The following INVS variants were observed in gnomAD, a reference collection of about 807,000 sequenced individuals.
INVS encodes the protein inversin.
A neutral mutation model predicts 108.8 loss-of-function variants in INVS; 86 were observed. The observed-to-expected ratio is 0.79, with a 90% CI of 0.66 to 0.95. The LOEUF is 0.95. INVS is among the 40% of genes least tolerant of loss of function. INVS has a pLI of 0.00. For synonymous variants in INVS, 455 were observed against 473.5 expected (o/e 0.96, Z 0.51); for missense variants, 1,169 against 1,297.4 (o/e 0.90, Z 1.52).
intron 3 of INVS, among the ~76,000 whole-genome samples, chr9:100,215,662 C>G (rs545821234): frequency 6.6e-6 from 1 of 152,128 alleles, no homozygotes; most frequent in African/African-American, 2.4e-5. Context: ...GTCTAGGAAC[C>G]CCAAAACATG....
At chr9:100,273,545 T>TC (rs1833022782) in intron 12 of INVS, among the ~76,000 whole-genome samples, 1 of 109,432 alleles carries the variant, frequency 9.1e-6, no homozygotes, top group Non-Finnish European at 2.1e-5. Flanking sequence ...TTTTTTTTTT[T>TC]TTTTTTTTTC....
intron 3 of INVS, among the ~76,000 whole-genome samples, chr9:100,153,011 G>GTGTGTA (rs1485374186): frequency 1.3e-5 from 2 of 151,190 alleles, no homozygotes; most frequent in African/African-American, 4.9e-5. Context: ...CTAATTGTGT[G>GTGTGTA]TGTGTGTGTG....
intron 3 of INVS, among the ~76,000 whole-genome samples, chr9:100,156,069 A>G (rs1461078838): frequency 6.6e-6 from 1 of 152,100 alleles, no homozygotes; most frequent in Non-Finnish European, 1.5e-5. Context: ...GGGACAAGTA[A>G]TATATGAAAT....
intron 3 of INVS, among the ~76,000 whole-genome samples, chr9:100,147,210 C>A (rs1023373843): frequency 6.6e-6 from 1 of 152,192 alleles, no homozygotes; most frequent in Non-Finnish European, 1.5e-5. Context: ...CTGTAGACCT[C>A]TATAGGCCCT....
Position 100,229,691 on chromosome 9 carries a change from A to G in INVS, c.479A>G (p.Asn160Ser), listed in dbSNP as rs1162961365. 1.2e-6 allele frequency: 2 copies of G among 1,614,140 alleles called. No individual in the cohort carries two copies. The highest frequency in any genetic ancestry group is 1.3e-5 in the African/African-American group (1 of 75,050). ...GCTCTGCATTGGAGTGCCTACTACA[A>G]TAACCCTGAGCATGTGAAGCTGCTC... ...QTALHWSAYY[N>S]NPEHVKLLIK... The change falls in exon 5 of 17, where the codon AAT (asparagine) becomes AGT (serine). Residue 160 changes from asparagine (N) to serine (S), a missense_variant. Transcript: ENST00000262457.
chr9:100,253,260 A>T (rs1832299597), intron 10 of INVS, 124 bp downstream of exon 10: 1 of 721,240 alleles, frequency 1.4e-6, no homozygotes, highest in Non-Finnish European at 2.4e-6. Context: ...CCATCTGTTA[A>T]TCATGACTAT....
chr9:100,104,501 G>T lies in INVS; in HGVS notation c.-21G>T, dbSNP rs1827108288. On this transcript the variant is annotated 5_prime_UTR_variant, in exon 2 of 17. Transcript: ENST00000262457. ...ATTGTCTGAATCATTGTTTCAGGTTGCTCCGGTTGCTAAGAAGACTATGAA... is the reference window on the plus strand; with the variant it reads ...ATTGTCTGAATCATTGTTTCAGGTTTCTCCGGTTGCTAAGAAGACTATGAA... The T allele has an allele frequency of 6.5e-7, 1 of 1,548,636 alleles. No homozygotes were observed. The highest frequency in any genetic ancestry group is 1.1e-5 in the South Asian group (1 of 89,754).
intron 3 of INVS, among the ~76,000 whole-genome samples, chr9:100,196,584 A>G (rs1830381504): frequency 6.6e-6 from 1 of 151,920 alleles, no homozygotes; most frequent in African/African-American, 2.4e-5. Context: ...GGGGCCCAGC[A>G]GGTCCCTGAA....
At chr9:100,228,800 C>T (rs1306173509) in intron 4 of INVS, among the ~76,000 whole-genome samples, 2 of 152,190 alleles carry the variant, frequency 1.3e-5, no homozygotes, top group Non-Finnish European at 2.9e-5. Context: ...ACATACTTGT[C>T]TCCCAGAGAT....
At chr9:100,240,520 T>G (rs1295168417) in intron 6 of INVS, among the ~76,000 whole-genome samples, 1 of 152,186 alleles carries the variant, frequency 6.6e-6, no homozygotes, top group Non-Finnish European at 1.5e-5. Flanking sequence ...CTTTTCACAT[T>G]CAGCGCCTAT....
chr9:100,202,292 T>C (rs1830556926), intron 3 of INVS, among the ~76,000 whole-genome samples: 1 of 152,176 alleles, frequency 6.6e-6, no homozygotes, highest in African/African-American at 2.4e-5. Flanking sequence ...TTCTGTTTCC[T>C]GTACTGAACC....
intron 5 of INVS, among the ~76,000 whole-genome samples, chr9:100,235,312 CTT>C: frequency 6.6e-6 from 1 of 152,144 alleles, no homozygotes; most frequent in South Asian, 2.1e-4. Flanking sequence ...GGTCTTGACT[CTT>C]TATCCAATTT....
chr9:100,137,702 A>G lies in INVS; in HGVS notation c.273+11153A>G, dbSNP rs1282798665. Among the ~76,000 whole-genome samples the G allele has an allele frequency of 3.9e-5, 6 of 152,230 alleles. No homozygotes were observed. The East Asian group carries it at 1.2e-3, about 29-fold the overall frequency. On this transcript the variant is annotated intron_variant, in intron 3 of 16. Coordinates refer to ENST00000262457, the MANE Select transcript of INVS (RefSeq NM_014425.5). ...GTGTATGCCAAAGACCCTGAAAGGC[A>G]GCAAAGTTATACATAGTGTTTACAA...
At chr9:100,110,966 T>C (rs1415578077) in intron 2 of INVS, among the ~76,000 whole-genome samples, 2 of 152,212 alleles carry the variant, frequency 1.3e-5, no homozygotes, top group Admixed American at 6.5e-5. Flanking sequence ...AGTTGAGAAA[T>C]TTAGTTGCAC....
chr9:100,190,181 G>A (rs1830179474), intron 3 of INVS, among the ~76,000 whole-genome samples: 1 of 151,766 alleles, frequency 6.6e-6, no homozygotes, highest in Admixed American at 6.6e-5. Flanking sequence ...AGTCTGTTTT[G>A]TTAACATCAG....
At chr9:100,238,403 C>G (rs1831758490) in intron 5 of INVS, among the ~76,000 whole-genome samples, 1 of 152,124 alleles carries the variant, frequency 6.6e-6, no homozygotes. Context: ...CTTTGTTTGG[C>G]ATTCTACAGT....
chr9:100,292,502 A>C lies in INVS; in HGVS notation c.2245A>C (p.Arg749=). ...CTTCGTGAAGCAGCCCTCCTGTATC[A>C]GGGTGGCTGGGCCTGATGAGAAAGG... ...KGFVKQPSCI[R]VAGPDEKGED... Residue 749 remains arginine (R), a synonymous_variant, in exon 14 of 17, where the codon AGG becomes CGG. Transcript: ENST00000262457. The C allele has an allele frequency of 6.2e-7, 1 of 1,614,180 alleles. No individual in the cohort carries two copies. Among genetic ancestry groups the C allele is most frequent in the East Asian group, 2.2e-5 (1 of 44,870 alleles).
At chr9:100,214,967 G>C (rs1444243718) in intron 3 of INVS, 1 of 152,228 alleles carries the variant, frequency 6.6e-6, no homozygotes, top group Non-Finnish European at 1.5e-5. Flanking sequence ...CATAGTTAAT[G>C]TGTCCCATTC....
chr9:100,123,852 C>A (rs1041341942), intron 2 of INVS, among the ~76,000 whole-genome samples: 2 of 152,220 alleles, frequency 1.3e-5, no homozygotes, highest in Admixed American at 6.5e-5. Flanking sequence ...GTTACCCAGG[C>A]TGGAGTGCAG....
Sources: allele counts gnomAD v4.1 joint callset (sites outside exome capture counted in the v4.1 genomes callset), GRCh38; gene constraint gnomAD v4.1.1; transcripts MANE v1.5; gene names NCBI Gene and HGNC (gene_info 2026-07-23, HGNC 2026-07-21).